Variants in BTRC observed in about 807,000 individuals in gnomAD.
BTRC encodes the protein beta-transducin repeat containing E3 ubiquitin protein ligase.
BTRC carries 42 observed loss-of-function variants against 85.5 expected under a neutral mutation model. The observed-to-expected ratio is 0.49, with a 90% CI of 0.38 to 0.64. BTRC has a LOEUF of 0.64. Ranked by LOEUF, BTRC falls within the 30% of genes least tolerant of loss-of-function variation. BTRC has a pLI of 0.00. For synonymous variants in BTRC, 255 were observed against 263.3 expected (o/e 0.97, Z 0.30); for missense variants, 594 against 743.5 (o/e 0.80, Z 2.34).
chr10:101,388,392 T>C (rs1943140987), intron 1 of BTRC, among the ~76,000 whole-genome samples: 2 of 152,096 alleles, frequency 1.3e-5, no homozygotes, highest in Admixed American at 6.5e-5. Flanking sequence ...AGGGTCTCTC[T>C]CTGTTGCCCA....
intron 1 of BTRC, among the ~76,000 whole-genome samples, chr10:101,412,925 C>T (rs1056837479): frequency 6.6e-6 from 1 of 152,042 alleles, no homozygotes; most frequent in Non-Finnish European, 1.5e-5. Context: ...AATTGGCCAA[C>T]AGATATGAAA....
At chr10:101,405,723 G>A (rs1249024637) in intron 1 of BTRC, among the ~76,000 whole-genome samples, 1 of 152,132 alleles carries the variant, frequency 6.6e-6, no homozygotes, top group African/African-American at 2.4e-5. Flanking sequence ...GGGAAATACA[G>A]GATGGAGTGC....
intron 1 of BTRC, among the ~76,000 whole-genome samples, chr10:101,402,159 G>A (rs1051596051): frequency 2.0e-5 from 3 of 152,106 alleles, no homozygotes; most frequent in African/African-American, 7.2e-5. Flanking sequence ...CAGGTACACA[G>A]CTACTTCATA....
chr10:101,477,383 A>G (rs948878096), intron 3 of BTRC, among the ~76,000 whole-genome samples: 10 of 152,202 alleles, frequency 6.6e-5, no homozygotes, highest in Non-Finnish European at 1.3e-4. Context: ...TACCATCAGT[A>G]AAAACTTAAG....
At chr10:101,523,460 A>G (rs900444073) in intron 5 of BTRC, among the ~76,000 whole-genome samples, 17 of 152,142 alleles carry the variant, frequency 1.1e-4, no homozygotes, top group Admixed American at 7.2e-4. Context: ...TGTGTATTCA[A>G]AGTTTATTTT....
intron 1 of BTRC, among the ~76,000 whole-genome samples, chr10:101,421,976 G>T (rs1449864898): frequency 1.3e-5 from 2 of 151,916 alleles, no homozygotes; most frequent in Non-Finnish European, 2.9e-5. Context: ...TAATCCTCTG[G>T]GTATATACCC....
intron 1 of BTRC, among the ~76,000 whole-genome samples, chr10:101,396,396 G>A (rs1292514836): frequency 6.6e-6 from 1 of 151,284 alleles, no homozygotes; most frequent in Non-Finnish European, 1.5e-5. Flanking sequence ...AACTTGAATG[G>A]GAGGTGAAGA....
At chr10:101,365,467 T>G (rs1942344194) in intron 1 of BTRC, among the ~76,000 whole-genome samples, 1 of 151,672 alleles carries the variant, frequency 6.6e-6, no homozygotes, top group African/African-American at 2.4e-5. Flanking sequence ...TTTTAAAAAT[T>G]TTTTATTTTT....
intron 4 of BTRC, among the ~76,000 whole-genome samples, chr10:101,482,294 T>TA (rs557036037): frequency 9.3e-4 from 141 of 152,298 alleles, no homozygotes; most frequent in Middle Eastern, 3.4e-3. Flanking sequence ...GTGCTGGGAT[T>TA]ACAGGTGTGA....
chr10:101,535,030 G>A (rs2062365004), intron 10 of BTRC, 120 bp downstream of exon 10: 2 of 1,184,614 alleles, frequency 1.7e-6, no homozygotes, highest in East Asian at 4.7e-5. Flanking sequence ...TTAATTCAGA[G>A]ACTAGTCTAC....
In BTRC at chr10:101,366,922, A is replaced by G. The variant is rs1372918001; in HGVS notation, c.48+12694A>G. Among the ~76,000 whole-genome samples, 4 of 20,458 alleles carry G rather than the reference A, an allele frequency of 2.0e-4. 1 individual carries two copies. Among genetic ancestry groups the G allele is most frequent in the Admixed American group, 1.3e-3 (1 of 760 alleles). 13.4% of individuals were successfully genotyped at this position (20,458 alleles called of 152,430 possible). A position where few individuals can be genotyped will look rare whatever the true frequency, so the allele number is the denominator to read the frequency against. ...TTTATATATATTAATATATATTTAT[A>G]TATATTTATATATATTTATATATAT... On this transcript the variant is annotated intron_variant, in intron 1 of 14. Transcript: ENST00000370187.
At chr10:101,391,374 G>A (rs1025772546) in intron 1 of BTRC, among the ~76,000 whole-genome samples, 1 of 152,140 alleles carries the variant, frequency 6.6e-6, no homozygotes, top group South Asian at 2.1e-4. Context: ...ACCAGCAAAT[G>A]GAGTTTATAA....
At chr10:101,393,257 C>T (rs950461747) in intron 1 of BTRC, among the ~76,000 whole-genome samples, 2 of 152,142 alleles carry the variant, frequency 1.3e-5, no homozygotes, top group African/African-American at 2.4e-5. Context: ...CATTTGTATT[C>T]TTTGCAATAT....
At chr10:101,461,728 A>G (rs1026821941) in intron 2 of BTRC, among the ~76,000 whole-genome samples, 3 of 152,208 alleles carry the variant, frequency 2.0e-5, no homozygotes, top group Non-Finnish European at 2.9e-5. Context: ...TCTAATGAAT[A>G]TGATCTCCTA....
intron 13 of BTRC, among the ~76,000 whole-genome samples, chr10:101,547,111 A>G (rs779487658): frequency 1.3e-5 from 2 of 152,204 alleles, no homozygotes; most frequent in Non-Finnish European, 1.5e-5. Context: ...TAGGTTAGGC[A>G]GATCAAATGC....
At chr10:101,409,060 C>CA in intron 1 of BTRC, among the ~76,000 whole-genome samples, 1 of 151,604 alleles carries the variant, frequency 6.6e-6, no homozygotes, top group South Asian at 2.1e-4. Flanking sequence ...AAAACAAAAA[C>CA]AAAAAACAAA....
At chr10:101,518,839 C>G (rs1387311550) in intron 4 of BTRC, among the ~76,000 whole-genome samples, 1 of 130,888 alleles carries the variant, frequency 7.6e-6, no homozygotes, top group Non-Finnish European at 1.8e-5. Context: ...AGGAAATGAT[C>G]TCTAACCACT....
intron 4 of BTRC, among the ~76,000 whole-genome samples, chr10:101,512,653 C>T (rs1417808025): frequency 6.6e-6 from 1 of 152,178 alleles, no homozygotes; most frequent in Non-Finnish European, 1.5e-5. Context: ...ATTTTTCCCT[C>T]CTGGCCCAGG....
At chr10:101,438,551 CTT>C (rs1478274245) in intron 2 of BTRC, among the ~76,000 whole-genome samples, 1 of 146,246 alleles carries the variant, frequency 6.8e-6, no homozygotes, top group Non-Finnish European at 1.5e-5. Flanking sequence ...AAGTACAAAA[CTT>C]TTGTGTATGA....
Sources: gnomAD v4.1 joint callset for allele counts (sites outside exome capture counted in the v4.1 genomes callset) on GRCh38, gnomAD v4.1.1 for gene constraint, MANE v1.5 for transcripts, NCBI Gene and HGNC (gene_info 2026-07-23, HGNC 2026-07-21) for gene names.